The following NOVA2 variants were observed in gnomAD, a reference collection of about 807,000 sequenced individuals.
NOVA2 encodes RNA-binding protein Nova-2.
A neutral mutation model predicts 22.5 loss-of-function variants in NOVA2; 9 were observed. The ratio of observed to expected loss-of-function variants is 0.40; its 90% CI spans 0.24 to 0.70. The LOEUF (loss-of-function observed/expected upper bound fraction) is 0.70. NOVA2 is among the 30% of genes least tolerant of loss of function. The pLI, the probability that NOVA2 is intolerant of heterozygous loss-of-function variation, is 0.38. For synonymous variants in NOVA2, 318 were observed against 335.2 expected (o/e 0.95, Z 0.56); for missense variants, 383 against 682.8 (o/e 0.56, Z 4.89).
rs1967629825 is a variant in NOVA2 at position 45,934,375 on chromosome 19, G to A, written c.*5488C>T. 6.6e-6 allele frequency: 1 copy of A among 152,236 alleles called. No individual in the cohort carries two copies. Among genetic ancestry groups the A allele is most frequent in the South Asian group, 2.1e-4 (1 of 4,838 alleles). The allele number at this position is 152,236 out of a possible 1,614,324, so 9.4% of individuals were successfully genotyped here. ...ACCATTATCTCACTGAGGCTCCTCA[G>A]GGAAATTGGAGGATGAATCCATTTC... On this transcript the variant is annotated 3_prime_UTR_variant, in exon 4 of 4. Transcript: ENST00000263257.
intron 2 of NOVA2, among the ~76,000 whole-genome samples, chr19:45,958,465 T>G (rs937959573): frequency 2.6e-4 from 39 of 149,236 alleles, no homozygotes; most frequent in Non-Finnish European, 8.9e-5. Context: ...TGTGTAAGCG[T>G]GTGTGTGAGT....
intron 2 of NOVA2, among the ~76,000 whole-genome samples, chr19:45,956,851 G>T (rs1004187787): frequency 1.3e-5 from 2 of 152,166 alleles, no homozygotes; most frequent in Non-Finnish European, 2.9e-5. Context: ...GCACAGAGAG[G>T]GCTCAAGATG....
In NOVA2 at chr19:45,954,087, G is replaced by C. The variant is rs958590019; in HGVS notation, c.230-141C>G. The C allele has an allele frequency of 3.4e-6, 3 of 878,944 alleles. No homozygotes were observed. The South Asian group carries it at 5.1e-5, about 15-fold the overall frequency. 54.4% of individuals were successfully genotyped at this position (878,944 alleles called of 1,614,324 possible). ...GATCACACGGTGAGCCTGGGGGAGC[G>C]GGCATGGGCTGGCAGGCCATGATGG... On this transcript the variant is annotated intron_variant, in intron 2 of 3. Coordinates refer to ENST00000263257, the MANE Select transcript of NOVA2 (RefSeq NM_002516.4).
chr19:45,954,043 C>G, intron 2 of NOVA2, 97 bp from the exon 3 acceptor site: 5 of 1,368,158 alleles, frequency 3.7e-6, no homozygotes, highest in Non-Finnish European at 5.1e-6. Context: ...AAGCTGAGGT[C>G]CAGAGAGTGG....
intron 2 of NOVA2, among the ~76,000 whole-genome samples, chr19:45,959,937 C>T (rs1405332106): frequency 6.6e-6 from 1 of 151,852 alleles, no homozygotes; most frequent in African/African-American, 2.4e-5. Flanking sequence ...TGAACTAGAA[C>T]CAGCACTGGA....
At chr19:45,956,752 G>C (rs1436166199) in intron 2 of NOVA2, among the ~76,000 whole-genome samples, 2 of 152,232 alleles carry the variant, frequency 1.3e-5, no homozygotes, top group Non-Finnish European at 2.9e-5. Context: ...CATCGCACCT[G>C]ACCAAAGCAC....
intron 2 of NOVA2, 119 bp downstream of exon 2, chr19:45,960,891 C>T: frequency 9.2e-7 from 1 of 1,092,494 alleles, no homozygotes; most frequent in Non-Finnish European, 1.3e-6. Flanking sequence ...GGGGAGGCCC[C>T]CTCCCCACCA....
At chr19:45,942,994 C>T (rs192709313) in intron 3 of NOVA2, among the ~76,000 whole-genome samples, 3 of 151,630 alleles carry the variant, frequency 2.0e-5, no homozygotes, top group Admixed American at 1.3e-4. Context: ...GGTGTCTGTA[C>T]CCCACAATGG....
Position 45,935,023 on chromosome 19 carries a change from ACGGTCGAGTGGGG to A in NOVA2, c.*4827_*4839del, listed in dbSNP as rs1373320893. The A allele has an allele frequency of 6.6e-6, 1 of 151,468 alleles. No homozygotes were observed. The highest frequency in any genetic ancestry group is 1.5e-5 in the Non-Finnish European group (1 of 67,926). The allele number at this position is 151,468 out of a possible 1,614,324, so 9.4% of individuals were successfully genotyped here. Reference sequence around the variant, plus strand: ...AAAAAGAGTTCGATGAGCGAGTCTGACGGTCGAGTGGGGCGGGCTGGAGCAATGAGGCCGCAGG... The same window carrying A: ...AAAAAGAGTTCGATGAGCGAGTCTGACGGGCTGGAGCAATGAGGCCGCAGG... On this transcript the variant is annotated 3_prime_UTR_variant, in exon 4 of 4. Coordinates refer to ENST00000263257, the MANE Select transcript of NOVA2 (RefSeq NM_002516.4).
At chr19:45,963,112 C>T (rs1968119899) in intron 1 of NOVA2, among the ~76,000 whole-genome samples, 1 of 152,032 alleles carries the variant, frequency 6.6e-6, no homozygotes, top group Admixed American at 6.6e-5. Flanking sequence ...CGGTAGCTCA[C>T]GCCTGTAATC....
Position 45,961,147 on chromosome 19 carries a change from C to T in NOVA2, c.92G>A (p.Gly31Asp), listed in dbSNP as rs1433437724. The change falls in exon 2 of 4, where the codon GGC becomes GAC. Residue 31 changes from glycine to aspartate, a missense_variant. Coordinates refer to ENST00000263257, the MANE Select transcript of NOVA2 (RefSeq NM_002516.4). ...CTKRSNTGEEGEYFLKVLIPS... is the reference protein window; with the variant it reads ...CTKRSNTGEEDEYFLKVLIPS... The stretch of plus-strand genomic sequence containing the variant: ...GATCAGCACCTTCAGGAAGTATTCG[C>T]CTTCCTCTGCGGGGGCACACAGGGT... The T allele has an allele frequency of 6.3e-7, 1 of 1,599,570 alleles. No individual in the cohort carries two copies. The highest frequency in any genetic ancestry group is 1.3e-5 in the African/African-American group (1 of 74,886).
chr19:45,953,700 C>G, intron 3 of NOVA2, 80 bp downstream of exon 3: 1 of 1,542,990 alleles, frequency 6.5e-7, no homozygotes, highest in Non-Finnish European at 8.9e-7. Flanking sequence ...TTGAACCTCA[C>G]AGTAAGCAGT....
At position 45,940,898 on chromosome 19, in the gene NOVA2, C is replaced by T; in HGVS notation, c.444G>A (p.Lys148=). The stretch of plus-strand genomic sequence containing the variant: ...TCACGGCTTTCACCGTGGCGCCTCC[C>T]TTGCCGATGATCAGGCCCGCCGTGC... The part of the protein sequence containing the change: ...PNSTAGLIIG[K]GGATVKAVME... Residue 148 remains lysine (K), a synonymous_variant, in exon 4 of 4, where the codon AAG becomes AAA. Coordinates refer to ENST00000263257, the MANE Select transcript of NOVA2 (RefSeq NM_002516.4). 6.2e-7 allele frequency: 1 copy of T among 1,605,410 alleles called. No homozygotes were observed. The highest frequency in any genetic ancestry group is 8.5e-7 in the Non-Finnish European group (1 of 1,179,922).
At chr19:45,947,707 C>T (rs1018283500) in intron 3 of NOVA2, among the ~76,000 whole-genome samples, 2 of 152,044 alleles carry the variant, frequency 1.3e-5, no homozygotes, top group African/African-American at 2.4e-5. Context: ...CTCCTGACCT[C>T]GTGATCCGCC....
chr19:45,949,377 A>G (rs898374886), intron 3 of NOVA2, among the ~76,000 whole-genome samples: 4 of 151,832 alleles, frequency 2.6e-5, no homozygotes, highest in African/African-American at 9.7e-5. Context: ...AATCAAGAAG[A>G]TGGAACAGCA....
In NOVA2 at chr19:45,973,664, GGAGCCGGTTCTCGGGGGGCTGACA is replaced by G. The variant is rs1358275344; in HGVS notation, c.-337_-314del. The G allele has an allele frequency of 7.4e-6, 1 of 134,332 alleles. No individual in the cohort carries two copies. Among genetic ancestry groups the G allele is most frequent in the Non-Finnish European group, 1.6e-5 (1 of 61,818 alleles). 8.3% of individuals were successfully genotyped at this position (134,332 alleles called of 1,614,324 possible). A position where few individuals can be genotyped will look rare whatever the true frequency, so the allele number is the denominator to read the frequency against. On this transcript the variant is annotated 5_prime_UTR_variant, in exon 1 of 4. Transcript: ENST00000263257. Reference sequence around the variant, plus strand: ...CGGAGAGGGAAGGCGGGGGTAGGGGGGAGCCGGTTCTCGGGGGGCTGACAGAGCCTGGAGAGCGGCCGTGAGCAG... The same window carrying G: ...CGGAGAGGGAAGGCGGGGGTAGGGGGGAGCCTGGAGAGCGGCCGTGAGCAG...
intron 3 of NOVA2, among the ~76,000 whole-genome samples, chr19:45,943,319 G>C (rs1210192783): frequency 1.3e-5 from 2 of 151,586 alleles, no homozygotes; most frequent in East Asian, 3.9e-4. Context: ...GCCTCCCAAA[G>C]TGCTGGGATT....
intron 2 of NOVA2, 33 bp downstream of exon 2, chr19:45,960,977 G>A (rs372860595): frequency 1.9e-6 from 3 of 1,551,746 alleles, no homozygotes; most frequent in Admixed American, 3.9e-5. Context: ...GAAGGGCGGG[G>A]GGCCTAGGGC....
In NOVA2 at chr19:45,973,392, T is replaced by TGCGGCGGCG. The variant is rs754177721; in HGVS notation, c.-50_-42dup. The TGCGGCGGCG allele has an allele frequency of 2.4e-4, 137 of 562,142 alleles. 1 individual carries two copies. The highest frequency in any genetic ancestry group is 2.8e-4 in the Admixed American group (5 of 17,928). 34.8% of individuals were successfully genotyped at this position (562,142 alleles called of 1,614,324 possible). ...CGGCGGCTGCTGCTGCTGCGGCGGC[T>TGCGGCGGCG]GCGGCGGCGGCGGCGGCGGCTGCTG... On this transcript the variant is annotated 5_prime_UTR_variant, in exon 1 of 4. Coordinates refer to ENST00000263257, the MANE Select transcript of NOVA2 (RefSeq NM_002516.4).
Sources: gnomAD v4.1 joint callset for allele counts (sites outside exome capture counted in the v4.1 genomes callset) on GRCh38, gnomAD v4.1.1 for gene constraint, MANE v1.5 for transcripts, NCBI Gene and HGNC (gene_info 2026-07-23, HGNC 2026-07-21) for gene names.